The following TMOD1 variants were observed in gnomAD, a reference collection of about 807,000 sequenced individuals.
TMOD1 encodes tropomodulin-1.
TMOD1 carries 17 observed loss-of-function variants against 40.6 expected under a neutral mutation model. The ratio of observed to expected loss-of-function variants is 0.42; its 90% CI spans 0.29 to 0.63. TMOD1 has a LOEUF of 0.63. TMOD1 is among the 20% of genes least tolerant of loss of function. The pLI is 0.22. For missense variants in TMOD1, 391 were observed against 447.6 expected (o/e 0.87, Z 1.14); for synonymous variants, 181 against 175.0 (o/e 1.03, Z -0.27).
intron 5 of TMOD1, among the ~76,000 whole-genome samples, chr9:97,563,080 G>A (rs543486394): frequency 3.3e-5 from 5 of 152,040 alleles, no homozygotes; most frequent in African/African-American, 1.2e-4. Context: ...TTTAGACAGG[G>A]TCTTGCTCTG....
In TMOD1 at chr9:97,572,408, G is replaced by A. The variant is rs1286741112; in HGVS notation, c.870+3371G>A. Among the ~76,000 whole-genome samples, 3 of 152,184 alleles carry A rather than the reference G, an allele frequency of 2.0e-5. No homozygotes were observed. The East Asian group carries it at 5.8e-4, about 29-fold the overall frequency. On this transcript the variant is annotated intron_variant, in intron 8 of 9. Transcript: ENST00000259365. ...GACTGGGGGCAAGGAGAGGGTATCA[G>A]GGCCCAGGAGATCAGCCAGGAGCTA...
At chr9:97,527,135 A>T (rs1263879395) in intron 2 of TMOD1, among the ~76,000 whole-genome samples, 2 of 152,180 alleles carry the variant, frequency 1.3e-5, no homozygotes, top group Non-Finnish European at 2.9e-5. Context: ...CCTGTGTTTC[A>T]GTAAAAACAA....
intron 4 of TMOD1, among the ~76,000 whole-genome samples, chr9:97,558,801 C>T (rs1044367835): frequency 6.6e-6 from 1 of 152,150 alleles, no homozygotes; most frequent in Non-Finnish European, 1.5e-5. Context: ...TGTTGTGTCA[C>T]TAAGTCCTAT....
intron 9 of TMOD1, among the ~76,000 whole-genome samples, chr9:97,596,089 A>G (rs1216573615): frequency 3.3e-5 from 5 of 151,984 alleles, no homozygotes; most frequent in South Asian, 2.1e-4. Flanking sequence ...AGAAGAAGAA[A>G]AAAAGAAAAG....
At chr9:97,532,997 G>C (rs112287712) in intron 2 of TMOD1, among the ~76,000 whole-genome samples, 3 of 152,204 alleles carry the variant, frequency 2.0e-5, no homozygotes, top group Non-Finnish European at 4.4e-5. Flanking sequence ...TGTCTAAAGC[G>C]CCCAGCATTT....
rs774453736 is a variant in TMOD1, at chr9:97,600,141, C to CTGAT, written c.*445_*448dup. The CTGAT allele has an allele frequency of 8.5e-5, 85 of 1,002,930 alleles. No homozygotes were observed. The highest frequency in any genetic ancestry group is 1.1e-4 in the Admixed American group (2 of 18,936). 62.1% of individuals were successfully genotyped at this position (1,002,930 alleles called of 1,614,324 possible). A position where few individuals can be genotyped will look rare whatever the true frequency, so the allele number is the denominator to read the frequency against. On this transcript the variant is annotated 3_prime_UTR_variant, in exon 10 of 10. Coordinates refer to ENST00000259365, the MANE Select transcript of TMOD1 (RefSeq NM_003275.4). ...TTGTCTTAGCTATTAGCAAATAAAA[C>CTGAT]TGATTATCATTCTTTATTAACCCTC...
At chr9:97,559,837 ATC>A (rs1193341255) in intron 4 of TMOD1, among the ~76,000 whole-genome samples, 4 of 57,834 alleles carry the variant, frequency 6.9e-5, no homozygotes, top group Non-Finnish European at 1.4e-4. Flanking sequence ...CTATCTATCT[ATC>A]TATCTATCTA....
At chr9:97,554,478 T>A (rs915825929) in intron 4 of TMOD1, among the ~76,000 whole-genome samples, 2 of 151,716 alleles carry the variant, frequency 1.3e-5, no homozygotes, top group Non-Finnish European at 2.9e-5. Flanking sequence ...AGATAGAGAT[T>A]TGGGCATCAT....
chr9:97,553,682 C>G (rs1380004944), intron 4 of TMOD1, among the ~76,000 whole-genome samples: 1 of 152,176 alleles, frequency 6.6e-6, no homozygotes, highest in Admixed American at 6.5e-5. Flanking sequence ...CACAGACGCC[C>G]TTTCCCAGCC....
At chr9:97,566,193 C>A (rs1292789813) in intron 7 of TMOD1, among the ~76,000 whole-genome samples, 1 of 152,188 alleles carries the variant, frequency 6.6e-6, no homozygotes, top group Non-Finnish European at 1.5e-5. Flanking sequence ...CAGTTCTCCC[C>A]ACTTTGCACT....
intron 9 of TMOD1, among the ~76,000 whole-genome samples, chr9:97,593,548 C>T (rs1199053092): frequency 2.6e-5 from 4 of 151,986 alleles, no homozygotes; most frequent in Admixed American, 2.6e-4. Flanking sequence ...GTGCCTAGGA[C>T]TGTGCTAGGT....
rs553872032 is a variant in TMOD1 at position 97,519,778 on chromosome 9, T to C, written c.-48-4363T>C. 6.0e-4 allele frequency among the ~76,000 whole-genome samples: 91 copies of C among 152,220 alleles called. 1 individual carries two copies. Among genetic ancestry groups the C allele is most frequent in the African/African-American group, 2.1e-3 (86 of 41,540 alleles). Reference sequence around the variant, plus strand: ...GAAGACACATAGAACACGGGTCCTCTCCTGAGGGACCTCGGAGCCTGACGA... The same window carrying C: ...GAAGACACATAGAACACGGGTCCTCCCCTGAGGGACCTCGGAGCCTGACGA... On this transcript the variant is annotated intron_variant, in intron 1 of 9. Coordinates refer to ENST00000259365, the MANE Select transcript of TMOD1 (RefSeq NM_003275.4).
At chr9:97,514,068 T>G (rs1023381859) in intron 1 of TMOD1, among the ~76,000 whole-genome samples, 2 of 149,386 alleles carry the variant, frequency 1.3e-5, no homozygotes, top group Admixed American at 1.3e-4. Context: ...TGTCTTAAAT[T>G]TTTTTTTTTT....
intron 1 of TMOD1, among the ~76,000 whole-genome samples, chr9:97,515,847 T>C (rs965443045): frequency 6.6e-6 from 1 of 152,096 alleles, no homozygotes; most frequent in African/African-American, 2.4e-5. Context: ...CTCTCTTCTA[T>C]CTGGAACCCA....
At chr9:97,549,233 A>G (rs139508189) in intron 3 of TMOD1, among the ~76,000 whole-genome samples, 30 of 152,342 alleles carry the variant, frequency 2.0e-4, no homozygotes, top group African/African-American at 7.0e-4. Flanking sequence ...AGTAAGGCAT[A>G]TTCCTTAGCA....
In TMOD1 at chr9:97,601,336, G is replaced by A. The variant is rs1826253591; in HGVS notation, c.*1638G>A. 1 of 1,147,672 alleles carries A rather than the reference G, an allele frequency of 8.7e-7. No individual in the cohort carries two copies. Among genetic ancestry groups the A allele is most frequent in the Non-Finnish European group, 1.1e-6 (1 of 917,914 alleles). The allele number at this position is 1,147,672 out of a possible 1,614,324, so 71.1% of individuals were successfully genotyped here. On this transcript the variant is annotated 3_prime_UTR_variant, in exon 10 of 10. Coordinates refer to ENST00000259365, the MANE Select transcript of TMOD1 (RefSeq NM_003275.4). ...GGCCAGAAGACTGGGCAGCCACCATGGCAGTGCTGGATGACCTCAGTAAGA... is the reference window on the plus strand; with the variant it reads ...GGCCAGAAGACTGGGCAGCCACCATAGCAGTGCTGGATGACCTCAGTAAGA...
intron 8 of TMOD1, among the ~76,000 whole-genome samples, chr9:97,575,520 G>T (rs1383417705): frequency 6.6e-6 from 1 of 152,234 alleles, no homozygotes; most frequent in South Asian, 2.1e-4. Flanking sequence ...CCATCCTGGG[G>T]GTGTGTAAAC....
chr9:97,524,517 TG>T (rs1343244782), intron 2 of TMOD1, among the ~76,000 whole-genome samples: 2 of 150,774 alleles, frequency 1.3e-5, no homozygotes, highest in Non-Finnish European at 3.0e-5. Flanking sequence ...TGTGTGTGTG[TG>T]TGTATGTGTG....
chr9:97,509,405 T>C (rs559148815), intron 1 of TMOD1, among the ~76,000 whole-genome samples: 5 of 152,286 alleles, frequency 3.3e-5, no homozygotes, highest in African/African-American at 1.2e-4. Context: ...ATGGTGTTAA[T>C]AGTAGTCTGT....
Sources: allele counts gnomAD v4.1 joint callset (sites outside exome capture counted in the v4.1 genomes callset), GRCh38; gene constraint gnomAD v4.1.1; transcripts MANE v1.5; gene names NCBI Gene and HGNC (gene_info 2026-07-23, HGNC 2026-07-21).